RPTOR: variants seen among roughly 807,000 people sequenced by gnomAD.
RPTOR encodes regulatory-associated protein of mTOR.
Under a neutral mutation model 169.9 loss-of-function variants are expected in RPTOR, and 21 were observed. The observed-to-expected ratio is 0.12, with a 90% CI of 0.09 to 0.18. The LOEUF (loss-of-function observed/expected upper bound fraction) is 0.18. RPTOR is among the 10% of genes least tolerant of loss of function. The pLI, the probability that RPTOR is intolerant of heterozygous loss-of-function variation, is 1.00. For missense variants in RPTOR, 1,133 were observed against 1,855.9 expected, an observed-to-expected ratio of 0.61 and a Z score of 7.16; for synonymous variants, 732 against 753.2, an observed-to-expected ratio of 0.97 and a Z score of 0.46.
intron 13 of RPTOR, among the ~76,000 whole-genome samples, chr17:80,863,602 C>T (rs958644998): frequency 6.6e-6 from 1 of 152,180 alleles, no homozygotes; most frequent in Admixed American, 6.5e-5. Flanking sequence ...GGATTAACAA[C>T]CAGTTAAGCA....
chr17:80,770,607 A>G (rs993056319), intron 6 of RPTOR, among the ~76,000 whole-genome samples: 2 of 152,158 alleles, frequency 1.3e-5, no homozygotes, highest in African/African-American at 2.4e-5. Context: ...GAGGACAACG[A>G]TATCATCAGT....
chr17:80,753,461 C>G (rs1213397359), intron 5 of RPTOR, among the ~76,000 whole-genome samples: 1 of 151,500 alleles, frequency 6.6e-6, no homozygotes, highest in Non-Finnish European at 1.5e-5. Flanking sequence ...GGTGAAACCC[C>G]GTCTCTACTA....
chr17:80,650,978 A>C (rs373620746), intron 3 of RPTOR, among the ~76,000 whole-genome samples: 2 of 152,150 alleles, frequency 1.3e-5, no homozygotes, highest in African/African-American at 2.4e-5. Flanking sequence ...TCTCATCATC[A>C]TGTTCCCTTT....
At chr17:80,943,110 G>A (rs2878052) in intron 25 of RPTOR, among the ~76,000 whole-genome samples, 32,967 of 152,146 alleles carry the variant, frequency 0.22, 3,710 homozygotes, top group Admixed American at 0.24. Flanking sequence ...CCGAGGTGCC[G>A]AGCACACACC....
rs537743465 is a variant in RPTOR, at chr17:80,964,198, C to A, written c.3940-64C>A. ...CTAAGGATGCGGGTTGGCCTGCGCC[C>A]CCCCGCCCCCCGCAGTGTCTGCCCG... On this transcript the variant is annotated intron_variant, in intron 33 of 33. Transcript: ENST00000306801. The A allele has an allele frequency of 1.5e-3, 1,723 of 1,159,304 alleles. 43 individuals carry two copies. In the South Asian group the frequency reaches 0.018, roughly 12 times the overall value. The allele number at this position is 1,159,304 out of a possible 1,614,324, so 71.8% of individuals were successfully genotyped here. A position where few individuals can be genotyped will look rare whatever the true frequency, so the allele number is the denominator to read the frequency against.
intron 5 of RPTOR, among the ~76,000 whole-genome samples, chr17:80,738,989 T>TC (rs2066458457): frequency 6.6e-6 from 1 of 151,968 alleles, no homozygotes; most frequent in East Asian, 1.9e-4. Context: ...TTAACCTTTT[T>TC]TTTGTTTCTA....
intron 7 of RPTOR, among the ~76,000 whole-genome samples, chr17:80,804,013 A>G: frequency 6.6e-6 from 1 of 152,188 alleles, no homozygotes; most frequent in East Asian, 1.9e-4. Flanking sequence ...ATGTAGCTTC[A>G]GTATTTATAA....
intron 5 of RPTOR, among the ~76,000 whole-genome samples, chr17:80,733,387 A>G (rs1288403575): frequency 1.3e-5 from 2 of 152,210 alleles, no homozygotes; most frequent in East Asian, 1.9e-4. Flanking sequence ...AGTATATGCC[A>G]TGGTTTGAAA....
rs768594302 is a variant in RPTOR, at chr17:80,883,454, C to A, written c.1620C>A (p.Ala540=). Residue 540 remains alanine (A), a synonymous_variant, in exon 15 of 34, where the codon GCC becomes GCA. Transcript: ENST00000306801. The part of the protein sequence containing the change: ...EHRTMTAFIL[A]VIVNSYHTGQ... ...GGACCATGACGGCTTTCATTCTCGCCGTGATCGTCAACAGCTATCACACGG... is the reference window on the plus strand; with the variant it reads ...GGACCATGACGGCTTTCATTCTCGCAGTGATCGTCAACAGCTATCACACGG... The A allele has an allele frequency of 1.9e-6, 3 of 1,614,152 alleles. No homozygotes were observed. The South Asian group carries it at 3.3e-5, about 18-fold the overall frequency.
intron 25 of RPTOR, among the ~76,000 whole-genome samples, chr17:80,944,383 AC>A (rs1417765119): frequency 6.6e-6 from 1 of 152,242 alleles, no homozygotes; most frequent in Admixed American, 6.5e-5. Context: ...ATATAATCTG[AC>A]CCAGATAAAT....
chr17:80,828,910 TGA>T lies in RPTOR; in HGVS notation c.1136+5692_1136+5693del, dbSNP rs368005537. Among the ~76,000 whole-genome samples the T allele has an allele frequency of 2.8e-4, 43 of 152,294 alleles. 1 individual carries two copies. The East Asian group carries it at 7.9e-3, about 28-fold the overall frequency. Reference sequence around the variant, plus strand: ...ATGAGTATGCAAAATATATGTTAAATGAGAGAAACAGAACACCAAATTGCATC... The same window carrying T: ...ATGAGTATGCAAAATATATGTTAAATGAGAAACAGAACACCAAATTGCATC... On this transcript the variant is annotated intron_variant, in intron 9 of 33. Transcript: ENST00000306801.
rs922150311 is a variant in RPTOR, at chr17:80,721,057, G to C, written c.508-9503G>C. On this transcript the variant is annotated intron_variant, in intron 4 of 33. Transcript: ENST00000306801. The surrounding 1 kb of genome is among the most constrained non-coding windows in gnomAD (Gnocchi z 4.7). ...AGTCCCGGGTAAACACCAAGGCCTCGTGGGAGGCACCTAGGAGGTGAGGAG... is the reference window on the plus strand; with the variant it reads ...AGTCCCGGGTAAACACCAAGGCCTCCTGGGAGGCACCTAGGAGGTGAGGAG... Among the ~76,000 whole-genome samples the C allele has an allele frequency of 6.6e-6, 1 of 151,094 alleles. No homozygotes were observed. The highest frequency in any genetic ancestry group is 1.5e-5 in the Non-Finnish European group (1 of 68,028).
intron 21 of RPTOR, among the ~76,000 whole-genome samples, chr17:80,913,919 A>G (rs1483163505): frequency 6.6e-5 from 10 of 152,206 alleles, no homozygotes; most frequent in Non-Finnish European, 1.3e-4. Context: ...GTCAGGGCAC[A>G]TGTTCTCATG....
rs2066377928 is a variant in RPTOR, at chr17:80,730,182, C to G, written c.508-378C>G. Among the ~76,000 whole-genome samples, 1 of 152,220 alleles carries G rather than the reference C, an allele frequency of 6.6e-6. No homozygotes were observed. On this transcript the variant is annotated intron_variant, in intron 4 of 33. Transcript: ENST00000306801. This position sits in a 1 kb window ranked among gnomAD's most constrained non-coding sequence, Gnocchi z 4.2. ...AGTGCAGTGGCGCAATCTTGGCTCACTGTAACCTTCGCCTCCCGGGTTCAG... is the reference window on the plus strand; with the variant it reads ...AGTGCAGTGGCGCAATCTTGGCTCAGTGTAACCTTCGCCTCCCGGGTTCAG...
chr17:80,546,791 C>T (rs560584457), intron 1 of RPTOR, among the ~76,000 whole-genome samples: 4 of 152,230 alleles, frequency 2.6e-5, no homozygotes, highest in Admixed American at 1.3e-4. Context: ...CGGTGGCTCA[C>T]GCCTGTAATC....
intron 28 of RPTOR, among the ~76,000 whole-genome samples, chr17:80,955,661 T>C (rs1004544417): frequency 6.6e-6 from 1 of 152,118 alleles, no homozygotes; most frequent in Non-Finnish European, 1.5e-5. Flanking sequence ...TATAAAAATA[T>C]GTGCAACTGT....
At chr17:80,831,601 A>G (rs757198254) in intron 9 of RPTOR, among the ~76,000 whole-genome samples, 2 of 152,202 alleles carry the variant, frequency 1.3e-5, no homozygotes, top group African/African-American at 4.8e-5. Flanking sequence ...AATCCCGCCG[A>G]GGCTCTGGAG....
At chr17:80,683,688 A>G (rs1037528820) in intron 3 of RPTOR, among the ~76,000 whole-genome samples, 12 of 152,030 alleles carry the variant, frequency 7.9e-5, no homozygotes, top group African/African-American at 2.9e-4. Flanking sequence ...CCCATCAATC[A>G]TCTGCTACTG....
chr17:80,758,593 A>G (rs943258147), intron 6 of RPTOR, among the ~76,000 whole-genome samples: 2 of 152,150 alleles, frequency 1.3e-5, no homozygotes, highest in African/African-American at 4.8e-5. Context: ...GGGCAGAAAG[A>G]TAGAAAATCA....
Sources: allele counts gnomAD v4.1 joint callset (sites outside exome capture counted in the v4.1 genomes callset), GRCh38; gene constraint gnomAD v4.1.1; non-coding constraint Gnocchi (gnomAD v3.1); transcripts MANE v1.5; gene names NCBI Gene and HGNC (gene_info 2026-07-23, HGNC 2026-07-21).